The following BIRC6 variants were observed in gnomAD, a reference collection of about 807,000 sequenced individuals.
The protein encoded by BIRC6 is baculoviral IAP repeat containing 6.
In BIRC6, 98 loss-of-function variants were observed where a neutral mutation model predicts 503.3. The ratio of observed to expected loss-of-function variants is 0.19; its 90% CI spans 0.17 to 0.23. The LOEUF (loss-of-function observed/expected upper bound fraction) is 0.23, where lower values mean the gene tolerates loss of function less well. Ranked by LOEUF, BIRC6 falls within the 10% of genes least tolerant of loss-of-function variation. BIRC6 has a pLI of 1.00. For missense variants in BIRC6, 5,360 were observed against 5,806.0 expected (o/e 0.92, Z 2.50); for synonymous variants, 2,240 against 2,078.7 (o/e 1.08, Z -2.11).
At chr2:32,360,030 A>G (rs542468673) in intron 1 of BIRC6, among the ~76,000 whole-genome samples, 25 of 152,220 alleles carry the variant, frequency 1.6e-4, no homozygotes, top group Non-Finnish European at 2.9e-4. Context: ...CAGCCCTATA[A>G]ATAGAGTAGA....
chr2:32,367,172 C>G (rs535776620), intron 1 of BIRC6, among the ~76,000 whole-genome samples: 1 of 16,020 alleles, frequency 6.2e-5, no homozygotes, highest in South Asian at 3.1e-3. Flanking sequence ...CTTTATAAAA[C>G]AGTCTGTGGC....
rs774641950 is a variant in BIRC6 at position 32,515,477 on chromosome 2, A to G, written c.11056A>G (p.Ile3686Val). The G allele has an allele frequency of 5.0e-6, 8 of 1,613,728 alleles. No homozygotes were observed. The highest frequency in any genetic ancestry group is 4.4e-5 in the South Asian group (4 of 91,084). Residue 3686 changes from isoleucine (I) to valine (V), a missense_variant, in exon 55 of 74, where the codon ATT (isoleucine) becomes GTT (valine). Ile to Val is a conservative substitution (Grantham distance 29, BLOSUM62 3). Coordinates refer to ENST00000421745, the MANE Select transcript of BIRC6 (RefSeq NM_016252.4). ...MPITADLVAP[I>V]LRFLTEVGNS... is the part of the protein sequence containing the mutation. ...TATCACAGCCGACCTAGTTGCTCCT[A>G]TTCTTAGGTTTTTGACAGAAGTTGG... is the stretch of plus-strand genomic sequence containing the variant.
intron 66 of BIRC6, among the ~76,000 whole-genome samples, chr2:32,586,654 A>G (rs1012041798): frequency 6.6e-6 from 1 of 151,912 alleles, no homozygotes; most frequent in Admixed American, 6.6e-5. Context: ...CCTGAGCTCA[A>G]GCAATCCACC....
At chr2:32,486,285 G>A (rs2050984331) in intron 40 of BIRC6, among the ~76,000 whole-genome samples, 1 of 152,158 alleles carries the variant, frequency 6.6e-6, no homozygotes, top group South Asian at 2.1e-4. Flanking sequence ...AATATTTTAG[G>A]CTTTCCTTGC....
chr2:32,474,874 C>A (rs771489584), intron 33 of BIRC6, among the ~76,000 whole-genome samples: 4 of 151,884 alleles, frequency 2.6e-5, no homozygotes, highest in Non-Finnish European at 5.9e-5. Context: ...TTTTTTTCAT[C>A]TATGGAGATA....
At chr2:32,605,646 C>T (rs2062398267) in intron 71 of BIRC6, among the ~76,000 whole-genome samples, 1 of 151,962 alleles carries the variant, frequency 6.6e-6, no homozygotes, top group African/African-American at 2.4e-5. Flanking sequence ...TCACTTGAGG[C>T]CTGGAGTTCA....
intron 59 of BIRC6, chr2:32,528,878 T>G (rs1316991694): frequency 6.6e-6 from 1 of 152,050 alleles, no homozygotes; most frequent in African/African-American, 2.4e-5. Context: ...CACACAAAAA[T>G]AAATTTTGTG....
At chr2:32,371,734 A>G (rs2035988629) in intron 1 of BIRC6, among the ~76,000 whole-genome samples, 1 of 152,118 alleles carries the variant, frequency 6.6e-6, no homozygotes, top group South Asian at 2.1e-4. Flanking sequence ...GTGATGTGTT[A>G]TGAACTACCC....
At chr2:32,399,059 AC>A (rs2040302649) in intron 6 of BIRC6, among the ~76,000 whole-genome samples, 1 of 152,038 alleles carries the variant, frequency 6.6e-6, no homozygotes, top group South Asian at 2.1e-4. Flanking sequence ...TCTTTAAGAA[AC>A]ATTTATTTTT....
intron 1 of BIRC6, among the ~76,000 whole-genome samples, chr2:32,376,005 G>GA (rs1407208132): frequency 2.0e-5 from 3 of 152,046 alleles, no homozygotes; most frequent in Non-Finnish European, 4.4e-5. Flanking sequence ...CTAATACGGT[G>GA]AAACCCCATC....
chr2:32,560,986 T>C (rs1174993208), intron 65 of BIRC6, among the ~76,000 whole-genome samples: 1 of 151,530 alleles, frequency 6.6e-6, no homozygotes, highest in Non-Finnish European at 1.5e-5. Flanking sequence ...GATCACGAGG[T>C]CAGGAGGTCG....
At chr2:32,463,601 A>AT (rs1167239649) in intron 24 of BIRC6, among the ~76,000 whole-genome samples, 2 of 152,210 alleles carry the variant, frequency 1.3e-5, no homozygotes, top group Admixed American at 6.5e-5. Flanking sequence ...TATGATTGAT[A>AT]TTTTTTGTGC....
intron 39 of BIRC6, among the ~76,000 whole-genome samples, chr2:32,484,375 A>T (rs577254324): frequency 3.4e-4 from 52 of 152,122 alleles, no homozygotes; most frequent in Non-Finnish European, 6.8e-4. Context: ...AACATGGTGA[A>T]ACCCCATCTC....
intron 45 of BIRC6, among the ~76,000 whole-genome samples, chr2:32,498,548 G>C (rs908945230): frequency 6.6e-6 from 1 of 151,964 alleles, no homozygotes; most frequent in Non-Finnish European, 1.5e-5. Flanking sequence ...ACACAATACT[G>C]TGCAACCTTT....
At chr2:32,553,197 C>CAAAAAAAAAAAAAAAAAAAAAAAAAA (rs763552918) in intron 65 of BIRC6, among the ~76,000 whole-genome samples, 4 of 34,936 alleles carry the variant, frequency 1.1e-4, no homozygotes, top group African/African-American at 2.1e-4. Context: ...AACTCTGTCT[C>CAAAAAAAAAAAAAAAAAAAAAAAAAA]AAAAAAAAAA....
chr2:32,357,614 G>A lies in BIRC6; in HGVS notation c.325+128G>A. 1 of 1,431,338 alleles carries A rather than the reference G, an allele frequency of 7.0e-7. No homozygotes were observed. The highest frequency in any genetic ancestry group is 9.1e-7 in the Non-Finnish European group (1 of 1,095,978). The allele number at this position is 1,431,338 out of a possible 1,614,324, so 88.7% of individuals were successfully genotyped here. A position where few individuals can be genotyped will look rare whatever the true frequency, so the allele number is the denominator to read the frequency against. On this transcript the variant is annotated intron_variant, in intron 1 of 73. Coordinates refer to ENST00000421745, the MANE Select transcript of BIRC6 (RefSeq NM_016252.4). The surrounding 1 kb of genome is among the most constrained non-coding windows in gnomAD (Gnocchi z 4.9). ...GGGCTGGGGGTTCGGGCCCAGCCGT[G>A]AAGGGAGGCCCGGAAGCTGATGGAG...
At chr2:32,386,566 T>A (rs1220357735) in intron 3 of BIRC6, among the ~76,000 whole-genome samples, 1 of 151,988 alleles carries the variant, frequency 6.6e-6, no homozygotes, top group Non-Finnish European at 1.5e-5. Context: ...ACCTCAAGGC[T>A]TCTGAGTAGC....
chr2:32,595,246 T>A, intron 68 of BIRC6, 102 bp downstream of exon 68: 1 of 707,776 alleles, frequency 1.4e-6, no homozygotes, highest in Non-Finnish European at 2.3e-6. Context: ...TAAAATTGCT[T>A]GTAACATGAA....
At chr2:32,511,448 T>C (rs2149630283) in intron 53 of BIRC6, among the ~76,000 whole-genome samples, 1 of 148,816 alleles carries the variant, frequency 6.7e-6, no homozygotes, top group African/African-American at 2.5e-5. Flanking sequence ...TAGCTGGGTC[T>C]ACAGGCGACC....
Sources: gnomAD v4.1 joint callset for allele counts (sites outside exome capture counted in the v4.1 genomes callset) on GRCh38, gnomAD v4.1.1 for gene constraint, Gnocchi (gnomAD v3.1) non-coding constraint, MANE v1.5 for transcripts, NCBI Gene and HGNC (gene_info 2026-07-23, HGNC 2026-07-21) for gene names.